RELN: variants seen among roughly 807,000 people sequenced by gnomAD.
The protein encoded by RELN is reelin.
In RELN, 108 loss-of-function variants were observed where a neutral mutation model predicts 427.6. The ratio of observed to expected loss-of-function variants is 0.25; its 90% confidence interval spans 0.22 to 0.30. The LOEUF (loss-of-function observed/expected upper bound fraction) is 0.30. RELN is among the 10% of genes least tolerant of loss of function. RELN has a pLI of 1.00. For missense variants in RELN, 3,715 were observed against 4,302.8 expected, an observed-to-expected ratio of 0.86 and a Z score of 3.82; for synonymous variants, 1,524 against 1,513.4, an observed-to-expected ratio of 1.01 and a Z score of -0.16.
chr7:103,967,648 G>A (rs992674009), intron 1 of RELN, among the ~76,000 whole-genome samples: 4 of 152,174 alleles, frequency 2.6e-5, no homozygotes, highest in African/African-American at 9.7e-5. Context: ...TCCTCAGACA[G>A]AACCTGCCTG....
chr7:103,661,614 A>C, intron 11 of RELN, 87 bp from the exon 12 acceptor site: 1 of 1,131,258 alleles, frequency 8.8e-7, no homozygotes, highest in Non-Finnish European at 1.3e-6. Context: ...AGTGAGGGAC[A>C]CTTACTTACT....
At chr7:103,572,023 A>G (rs570599356) in intron 31 of RELN, among the ~76,000 whole-genome samples, 161 bp downstream of exon 31, 17 of 152,192 alleles carry the variant, frequency 1.1e-4, no homozygotes, top group African/African-American at 4.1e-4. Flanking sequence ...AATCTTAGAG[A>G]TCTTGGCTCT....
intron 1 of RELN, among the ~76,000 whole-genome samples, chr7:103,962,646 T>TTGTTGTGTGTGTGTGTGTGTG (rs1187382987): frequency 2.0e-4 from 30 of 149,920 alleles, no homozygotes; most frequent in African/African-American, 7.3e-4. Flanking sequence ...TCCAAAGTTG[T>TTGTTGTGTGTGTGTGTGTGTG]TGTGTGTGTG....
rs914979332 is a variant in RELN at position 103,572,194 on chromosome 7, A to G, written c.4578T>C (p.Thr1526=). 1.3e-6 allele frequency: 2 copies of G among 1,564,168 alleles called. No homozygotes were observed. Among genetic ancestry groups the G allele is most frequent in the South Asian group, 2.2e-5 (2 of 90,056 alleles). The change falls in exon 31 of 65, where the codon ACT becomes ACC. Residue 1526 remains threonine, a synonymous_variant. Transcript: ENST00000428762. ...TSGITCIKPR[T]RNEGLIVQYS... is the part of the protein sequence containing the mutation. ...AATACAGCAGCTTACCTTCATTTCTAGTTCTTGGTTTGATGCAGGTAATGC... is the reference window on the plus strand; with the variant it reads ...AATACAGCAGCTTACCTTCATTTCTGGTTCTTGGTTTGATGCAGGTAATGC...
chr7:103,628,596 A>C (rs762558211), intron 20 of RELN, among the ~76,000 whole-genome samples: 2 of 152,166 alleles, frequency 1.3e-5, no homozygotes, highest in Non-Finnish European at 2.9e-5. Context: ...GTCCCATCAA[A>C]GGTAATTTTC....
In RELN at chr7:103,498,070, C is replaced by G. The variant is rs2711885; in HGVS notation, c.8843+7G>C. On this transcript the variant is annotated splice_region_variant and intron_variant, in intron 54 of 64. Coordinates refer to ENST00000428762, the MANE Select transcript of RELN (RefSeq NM_005045.4). ...CAATAGAAATAACTAACAAAAAATT[C>G]ACTTACTTTGCACCTCGAAGATCCA... 0.99 allele frequency: 1,592,800 copies of G among 1,613,976 alleles called. 786,013 individuals carry two copies. The highest frequency in any genetic ancestry group is 1 in the East Asian group (44,876 of 44,878).
rs994311845 is a variant in RELN, at chr7:103,652,604, G to A, written c.1710C>T (p.His570=). The A allele has an allele frequency of 6.2e-7, 1 of 1,612,802 alleles. No homozygotes were observed. Among genetic ancestry groups the A allele is most frequent in the African/African-American group, 1.3e-5 (1 of 74,842 alleles). Reference sequence around the variant, plus strand: ...CCAGATTGATGGAAAACTGTATCATGTGAGACATTGTAGAAGGGAGAACAG... The same window carrying A: ...CCAGATTGATGGAAAACTGTATCATATGAGACATTGTAGAAGGGAGAACAG... ...VLPVLPSTMS[H]MIQFSINLGC... The change falls in exon 14 of 65, where the codon CAC becomes CAT. Residue 570 remains histidine, a synonymous_variant. Coordinates refer to ENST00000428762, the MANE Select transcript of RELN (RefSeq NM_005045.4).
intron 1 of RELN, among the ~76,000 whole-genome samples, chr7:103,981,954 G>A (rs1269989480): frequency 9.9e-5 from 15 of 152,100 alleles, no homozygotes; most frequent in Admixed American, 9.8e-4. Context: ...ACCATCTGAG[G>A]TCAACAGTTC....
chr7:103,625,814 G>A (rs1832317014), intron 20 of RELN, among the ~76,000 whole-genome samples: 1 of 151,980 alleles, frequency 6.6e-6, no homozygotes, highest in Non-Finnish European at 1.5e-5. Flanking sequence ...GATTGGTATG[G>A]GAACAGGTTT....
Position 103,604,215 on chromosome 7 carries a change from A to G in RELN, c.3146+131T>C. On this transcript the variant is annotated intron_variant, in intron 23 of 64. Transcript: ENST00000428762. ...TACATCTAAAATACAAACAGAAAGG[A>G]GGACTTGTTTCTTTTGGCTATGTCA... The G allele has an allele frequency of 3.0e-6, 3 of 995,234 alleles. No individual in the cohort carries two copies. The South Asian group carries it at 4.0e-5, about 13-fold the overall frequency. 61.7% of individuals were successfully genotyped at this position (995,234 alleles called of 1,614,324 possible).
chr7:103,558,852 G>A (rs1441968448), intron 36 of RELN, among the ~76,000 whole-genome samples: 2 of 152,192 alleles, frequency 1.3e-5, no homozygotes, highest in Admixed American at 6.5e-5. Context: ...CTTTACGGAT[G>A]CACGGCTGTG....
chr7:103,872,028 ATATTTTTCT>A (rs1385597273), intron 2 of RELN, among the ~76,000 whole-genome samples: 2 of 104,752 alleles, frequency 1.9e-5, no homozygotes, highest in African/African-American at 6.4e-5. Context: ...ATATATATAT[ATATTTTTCT>A]TTTTTCTTTT....
intron 64 of RELN, among the ~76,000 whole-genome samples, chr7:103,475,964 G>A (rs890568402): frequency 1.3e-5 from 2 of 152,008 alleles, no homozygotes; most frequent in Non-Finnish European, 2.9e-5. Context: ...TGTTGGCCAG[G>A]CTGGTGTCGA....
chr7:103,497,815 C>T lies in RELN; in HGVS notation c.8950+5G>A. The stretch of plus-strand genomic sequence containing the variant: ...CAAGGGGTGGTTTTCACCCCTGACA[C>T]ATGCCTCCATCGGTAGAGTAGTCCA... On this transcript the variant is annotated splice_donor_5th_base_variant and intron_variant, in intron 55 of 64. Coordinates refer to ENST00000428762, the MANE Select transcript of RELN (RefSeq NM_005045.4). 1 of 1,613,404 alleles carries T rather than the reference C, an allele frequency of 6.2e-7. No homozygotes were observed. Among genetic ancestry groups the T allele is most frequent in the Admixed American group, 1.7e-5 (1 of 60,004 alleles).
intron 12 of RELN, among the ~76,000 whole-genome samples, chr7:103,659,437 T>C (rs1371685617): frequency 6.6e-6 from 1 of 152,156 alleles, no homozygotes; most frequent in Non-Finnish European, 1.5e-5. Context: ...TCTAGTTCCA[T>C]CTTACGTGCT....
At chr7:103,825,775 G>C (rs1462712134) in intron 3 of RELN, among the ~76,000 whole-genome samples, 2 of 152,226 alleles carry the variant, frequency 1.3e-5, no homozygotes, top group South Asian at 4.1e-4. Context: ...CTGAGGAACT[G>C]AATTTTTTAT....
At chr7:103,581,466 A>G (rs544611815) in intron 28 of RELN, among the ~76,000 whole-genome samples, 4 of 152,278 alleles carry the variant, frequency 2.6e-5, no homozygotes, top group Non-Finnish European at 5.9e-5. Flanking sequence ...TAATACAACC[A>G]GGGACTTGGT....
chr7:103,857,919 C>T (rs1348630849), intron 2 of RELN, among the ~76,000 whole-genome samples: 1 of 152,128 alleles, frequency 6.6e-6, no homozygotes, highest in Non-Finnish European at 1.5e-5. Flanking sequence ...TAATTTTTTA[C>T]ATTTCTCTCT....
intron 34 of RELN, among the ~76,000 whole-genome samples, chr7:103,564,784 A>G: frequency 6.6e-6 from 1 of 152,098 alleles, no homozygotes; most frequent in East Asian, 1.9e-4. Context: ...TGCCTACACC[A>G]CAAAAGTGGA....
Sources: allele counts gnomAD v4.1 joint callset (sites outside exome capture counted in the v4.1 genomes callset), GRCh38; gene constraint gnomAD v4.1.1; transcripts MANE v1.5; gene names NCBI Gene and HGNC (gene_info 2026-07-23, HGNC 2026-07-21).